NPIPA1: variants seen among roughly 807,000 people sequenced by gnomAD.
The protein encoded by NPIPA1 is nuclear pore complex interacting protein family member A1.
For missense variants in NPIPA1, 22 were observed against 232.2 expected (o/e 0.09, Z 5.88); for synonymous variants, 7 against 88.0 (o/e 0.08, Z 5.15).
chr16:14,947,133 G>T (rs1253027503), intron 4 of NPIPA1, among the ~76,000 whole-genome samples: 1 of 152,244 alleles, frequency 6.6e-6, no homozygotes, highest in African/African-American at 2.4e-5. Flanking sequence ...TCAATGCTTG[G>T]GTCACCTCCA....
At chr16:14,947,206 T>G (rs1965910905) in intron 4 of NPIPA1, among the ~76,000 whole-genome samples, 1 of 152,264 alleles carries the variant, frequency 6.6e-6, no homozygotes, top group African/African-American at 2.4e-5. Context: ...GCCATATGAC[T>G]GATCTTTTTT....
chr16:14,946,826 C>G (rs1184644606), intron 4 of NPIPA1, among the ~76,000 whole-genome samples: 2 of 151,750 alleles, frequency 1.3e-5, no homozygotes, highest in Non-Finnish European at 2.9e-5. Flanking sequence ...TCTTGAGTAG[C>G]TGGGACTACA....
At chr16:14,944,187 G>A (rs1356003391) in intron 2 of NPIPA1, among the ~76,000 whole-genome samples, 3 of 152,120 alleles carry the variant, frequency 2.0e-5, no homozygotes, top group African/African-American at 7.2e-5. Context: ...AGATTCATAG[G>A]TATCTGACCC....
chr16:14,943,524 T>G (rs1237829928), intron 2 of NPIPA1, among the ~76,000 whole-genome samples: 2 of 149,210 alleles, frequency 1.3e-5, no homozygotes, highest in African/African-American at 4.9e-5. Flanking sequence ...CTGTTGGACT[T>G]GGACAACTTT....
intron 1 of NPIPA1, among the ~76,000 whole-genome samples, chr16:14,939,884 C>T (rs1303294578): frequency 9.0e-5 from 3 of 33,334 alleles, no homozygotes; most frequent in Admixed American, 6.1e-4. Flanking sequence ...TTTTCATGAT[C>T]TCCACCTTGG....
intron 2 of NPIPA1, among the ~76,000 whole-genome samples, chr16:14,944,659 G>T (rs1317564479): frequency 6.7e-6 from 1 of 149,990 alleles, no homozygotes; most frequent in Admixed American, 6.6e-5. Context: ...AGGCTGGAGT[G>T]CAGTGGTGGG....
chr16:14,943,566 C>T (rs1466296252), intron 2 of NPIPA1, among the ~76,000 whole-genome samples: 63 of 148,840 alleles, frequency 4.2e-4, no homozygotes, highest in Non-Finnish European at 6.5e-4. Flanking sequence ...GTCATCTAGT[C>T]ATCTATACCA....
chr16:14,938,737 G>A (rs1421796848), intron 1 of NPIPA1, among the ~76,000 whole-genome samples: 1 of 151,900 alleles, frequency 6.6e-6, no homozygotes, highest in Non-Finnish European at 1.5e-5. Flanking sequence ...CATCTGGTTT[G>A]ATGACTTTTT....
At chr16:14,947,988 G>A (rs1229050138) in intron 4 of NPIPA1, among the ~76,000 whole-genome samples, 7 of 152,236 alleles carry the variant, frequency 4.6e-5, no homozygotes, top group South Asian at 4.1e-4. Flanking sequence ...GCTGAAGGAT[G>A]CCCTGTGGTC....
At chr16:14,945,227 GGTGTGT>G (rs1555533565) in intron 2 of NPIPA1, among the ~76,000 whole-genome samples, 45 of 137,810 alleles carry the variant, frequency 3.3e-4, no homozygotes, top group African/African-American at 5.8e-4. Context: ...ATTCTTGTGT[GGTGTGT>G]GTGTGTGTGT....
chr16:14,941,217 C>T (rs1363770553), intron 1 of NPIPA1, among the ~76,000 whole-genome samples: 5 of 150,006 alleles, frequency 3.3e-5, no homozygotes, highest in Non-Finnish European at 3.0e-5. Flanking sequence ...GCAGGCAGAT[C>T]GCCTGTCAGG....
chr16:14,940,617 A>T (rs1965727404), intron 1 of NPIPA1, among the ~76,000 whole-genome samples: 1 of 141,132 alleles, frequency 7.1e-6, no homozygotes, highest in African/African-American at 2.7e-5. Context: ...GAGGCAGGAG[A>T]ATCGCTTGAA....
intron 4 of NPIPA1, among the ~76,000 whole-genome samples, chr16:14,948,437 T>C (rs1240094879): frequency 6.6e-6 from 1 of 152,130 alleles, no homozygotes; most frequent in Non-Finnish European, 1.5e-5. Flanking sequence ...TCTGGAAGGA[T>C]CTCTCTATGG....
At chr16:14,943,079 C>T (rs1965790478) in intron 2 of NPIPA1, among the ~76,000 whole-genome samples, 1 of 151,928 alleles carries the variant, frequency 6.6e-6, no homozygotes, top group Non-Finnish European at 1.5e-5. Flanking sequence ...GATATCTAGG[C>T]ACATTTAACA....
intron 1 of NPIPA1, among the ~76,000 whole-genome samples, chr16:14,938,027 T>C (rs1965658384): frequency 1.5e-5 from 2 of 135,672 alleles, no homozygotes; most frequent in African/African-American, 5.4e-5. Context: ...CTCCTCCTCC[T>C]CCCCAACAGC....
chr16:14,947,263 G>A (rs1295689883), intron 4 of NPIPA1, among the ~76,000 whole-genome samples: 2 of 152,244 alleles, frequency 1.3e-5, no homozygotes, highest in African/African-American at 4.8e-5. Context: ...AATGAATTGA[G>A]GCCTAGTAGC....
chr16:14,945,273 A>G (rs1286484451), intron 2 of NPIPA1, among the ~76,000 whole-genome samples: 2 of 107,028 alleles, frequency 1.9e-5, no homozygotes, highest in African/African-American at 6.4e-5. Context: ...TGTGTGAGAC[A>G]GAGTCTCATT....
intron 2 of NPIPA1, among the ~76,000 whole-genome samples, chr16:14,944,907 A>ATTTTTTTT (rs71270869): frequency 1.6e-5 from 2 of 123,122 alleles, no homozygotes; most frequent in African/African-American, 3.2e-5. Context: ...CCTGGCCTAT[A>ATTTTTTTT]TTTTTTTTTT....
chr16:14,938,990 G>A (rs1965692094), intron 1 of NPIPA1, among the ~76,000 whole-genome samples: 1 of 137,826 alleles, frequency 7.3e-6, no homozygotes, highest in South Asian at 2.7e-4. Context: ...TCCCAGTGCT[G>A]GGATTACAGG....
Sources: gnomAD v4.1 joint callset for allele counts (sites outside exome capture counted in the v4.1 genomes callset) on GRCh38, gnomAD v4.1.1 for gene constraint, MANE v1.5 for transcripts, NCBI Gene and HGNC (gene_info 2026-07-23, HGNC 2026-07-21) for gene names.